Variants in TMEM268 observed in about 807,000 individuals in gnomAD.
TMEM268 encodes the protein transmembrane protein 268.
In TMEM268, 24 loss-of-function variants were observed where a neutral mutation model predicts 39.1. That is an observed-to-expected ratio of 0.61 (90% confidence interval 0.44 to 0.86). The LOEUF (loss-of-function observed/expected upper bound fraction) is 0.86. Among genes scored for constraint, TMEM268 ranks in the 40% least tolerant of loss-of-function variants. The pLI is 0.00. For missense variants in TMEM268, 409 were observed against 428.6 expected, an observed-to-expected ratio of 0.95 and a Z score of 0.40; for synonymous variants, 176 against 173.5, an observed-to-expected ratio of 1.01 and a Z score of -0.12.
At chr9:114,608,424 C>T (rs1371985491), upstream of TMEM268, among the ~76,000 whole-genome samples, 1 of 152,188 alleles carries the variant, frequency 6.6e-6, no homozygotes, top group Non-Finnish European at 1.5e-5. Context: ...GTCTTCTGTG[C>T]CTCCCTGGTA....
upstream of TMEM268, among the ~76,000 whole-genome samples, chr9:114,609,343 ACAAG>A (rs936539571): frequency 5.1e-5 from 7 of 138,452 alleles, no homozygotes; most frequent in African/African-American, 1.0e-4. Flanking sequence ...AAACAAACAA[ACAAG>A]CATGTACATT....
intron 7 of TMEM268, among the ~76,000 whole-genome samples, chr9:114,638,242 A>G (rs1424259659): frequency 6.6e-6 from 1 of 152,148 alleles, no homozygotes; most frequent in Non-Finnish European, 1.5e-5. Context: ...GGGTTTCACC[A>G]TATTGGCCAG....
intron 1 of TMEM268, among the ~76,000 whole-genome samples, chr9:114,614,547 C>T (rs950931726): frequency 2.6e-5 from 4 of 152,240 alleles, no homozygotes; most frequent in African/African-American, 4.8e-5. Flanking sequence ...ATGGTGAGGG[C>T]ATGAGAGCCC....
chr9:114,633,318 C>T (rs1406659534), intron 5 of TMEM268, among the ~76,000 whole-genome samples: 1 of 152,004 alleles, frequency 6.6e-6, no homozygotes, highest in South Asian at 2.1e-4. Flanking sequence ...TGTGTCACCA[C>T]GCCCAGCTAA....
At chr9:114,613,206 T>G (rs1845573692) in intron 1 of TMEM268, among the ~76,000 whole-genome samples, 1 of 152,206 alleles carries the variant, frequency 6.6e-6, no homozygotes, top group African/African-American at 2.4e-5. Flanking sequence ...TGCTGATTAG[T>G]ACTTTGTGAG....
chr9:114,626,831 G>T, intron 3 of TMEM268, 68 bp from the exon 4 acceptor site: 1 of 1,187,790 alleles, frequency 8.4e-7, no homozygotes, highest in South Asian at 1.3e-5. Context: ...CCTTCCACAT[G>T]ATAGTCACAT....
chr9:114,637,451 C>T (rs1425734641), intron 7 of TMEM268, among the ~76,000 whole-genome samples: 1 of 151,958 alleles, frequency 6.6e-6, no homozygotes, highest in Non-Finnish European at 1.5e-5. Context: ...TGCCATCACA[C>T]CTGGCTAATT....
intron 2 of TMEM268, among the ~76,000 whole-genome samples, chr9:114,621,249 G>A (rs949665751): frequency 3.3e-5 from 5 of 151,884 alleles, no homozygotes; most frequent in Non-Finnish European, 5.9e-5. Context: ...GGAGGCTGAC[G>A]TGGGAGGATT....
chr9:114,607,519 G>A (rs1845381524), upstream of TMEM268, among the ~76,000 whole-genome samples: 4 of 152,214 alleles, frequency 2.6e-5, no homozygotes, highest in Admixed American at 2.0e-4. Context: ...GCCGGGAATG[G>A]TGGTGCATGC....
chr9:114,613,008 GA>G lies in TMEM268; in HGVS notation c.-79+1445del, dbSNP rs1845565586. Among the ~76,000 whole-genome samples the G allele has an allele frequency of 3.9e-5, 6 of 152,294 alleles. No individual in the cohort carries two copies. In the South Asian group the frequency reaches 1.2e-3, roughly 32 times the overall value. ...CTACTTGCCCAGTGCTATTTTGAGT[GA>G]TTTACATGTGTGAACTCTTTAAACC... On this transcript the variant is annotated intron_variant, in intron 1 of 8. Coordinates refer to ENST00000288502, the MANE Select transcript of TMEM268 (RefSeq NM_153045.4).
rs778031912 is a variant in TMEM268 at position 114,638,535 on chromosome 9, C to T, written c.667-9C>T. 2 of 1,545,812 alleles carry T rather than the reference C, an allele frequency of 1.3e-6. No homozygotes were observed. The highest frequency in any genetic ancestry group is 4.9e-5 in the East Asian group (2 of 40,906). On this transcript the variant is annotated splice_polypyrimidine_tract_variant and intron_variant, in intron 7 of 8. Transcript: ENST00000288502. ...GCACTCCTGAGCCCCTTCTCTGTTTCCTTTGCAGTCCTTGCTGAGAAGCAG... is the reference window on the plus strand; with the variant it reads ...GCACTCCTGAGCCCCTTCTCTGTTTTCTTTGCAGTCCTTGCTGAGAAGCAG...
intron 6 of TMEM268, among the ~76,000 whole-genome samples, chr9:114,635,076 C>T (rs1422579347): frequency 2.0e-5 from 3 of 152,158 alleles, no homozygotes; most frequent in Non-Finnish European, 4.4e-5. Flanking sequence ...CGTGGTGGCT[C>T]ACATCTGTAA....
chr9:114,638,796 G>C, intron 8 of TMEM268, 70 bp downstream of exon 8: 1 of 1,225,782 alleles, frequency 8.2e-7, no homozygotes, highest in Non-Finnish European at 1.1e-6. Context: ...GCCTATGTGG[G>C]GGCTTCTTAG....
At chr9:114,605,131 G>C in the TMEM268 span, among the ~76,000 whole-genome samples, 1 of 152,318 alleles carries the variant, frequency 6.6e-6, no homozygotes, top group East Asian at 1.9e-4. Flanking sequence ...CCAGAAGTCA[G>C]CAAAAGCTGT....
upstream of TMEM268, among the ~76,000 whole-genome samples, chr9:114,608,282 C>A (rs763055544): frequency 5.3e-5 from 8 of 152,204 alleles, no homozygotes; most frequent in Non-Finnish European, 1.0e-4. Flanking sequence ...TTAATTCTTG[C>A]AATCTCCCAG....
At chr9:114,636,963 G>A (rs759111486) in intron 6 of TMEM268, 27 bp from the exon 7 acceptor site, 8 of 1,559,350 alleles carry the variant, frequency 5.1e-6, no homozygotes, top group South Asian at 4.5e-5. Context: ...CTTGAGCCAC[G>A]GTGGTCACTG....
At chr9:114,611,156 G>A (rs1845466641), upstream of TMEM268, 1 of 152,398 alleles carries the variant, frequency 6.6e-6, no homozygotes, top group South Asian at 2.1e-4. Context: ...GTGATTGTGT[G>A]TGAGGGGGCT....
Position 114,611,394 on chromosome 9 carries a change from C to G in TMEM268, c.-249C>G, listed in dbSNP as rs1198605460. The G allele has an allele frequency of 1.3e-5, 2 of 151,782 alleles. No individual in the cohort carries two copies. Among genetic ancestry groups the G allele is most frequent in the Non-Finnish European group, 3.0e-5 (2 of 67,758 alleles). The allele number at this position is 151,782 out of a possible 1,614,324, so 9.4% of individuals were successfully genotyped here. ...GGGCGGCTCCTCGGGGTTGGGCGAC[C>G]GAGCGGGGCCGGCCGGGCGGGGGGC... On this transcript the variant is annotated 5_prime_UTR_variant, in exon 1 of 9. Coordinates refer to ENST00000288502, the MANE Select transcript of TMEM268 (RefSeq NM_153045.4).
At chr9:114,629,760 T>C (rs1381373414) in intron 5 of TMEM268, among the ~76,000 whole-genome samples, 1 of 152,124 alleles carries the variant, frequency 6.6e-6, no homozygotes, top group African/African-American at 2.4e-5. Flanking sequence ...GGGGGCAGGA[T>C]GTTGGGAAAT....
Sources: allele counts gnomAD v4.1 joint callset (sites outside exome capture counted in the v4.1 genomes callset), GRCh38; gene constraint gnomAD v4.1.1; transcripts MANE v1.5; gene names NCBI Gene and HGNC (gene_info 2026-07-23, HGNC 2026-07-21).